The following LRMDA variants were observed in gnomAD, a reference collection of about 807,000 sequenced individuals.
The protein encoded by LRMDA is leucine rich melanocyte differentiation associated.
LRMDA carries 18 observed loss-of-function variants against 29.8 expected under a neutral mutation model. The observed-to-expected ratio is 0.60, with a 90% confidence interval of 0.42 to 0.90. The LOEUF (loss-of-function observed/expected upper bound fraction) is 0.90, where lower values mean the gene tolerates loss of function less well. Among genes scored for constraint, LRMDA ranks in the 40% least tolerant of loss-of-function variants. LRMDA has a pLI of 0.00. For missense variants in LRMDA, 273 were observed against 273.9 expected, an observed-to-expected ratio of 1.00 and a Z score of 0.02; for synonymous variants, 125 against 109.4, an observed-to-expected ratio of 1.14 and a Z score of -0.89.
At position 76,021,958 on chromosome 10, in the gene LRMDA, T is replaced by A. The variant is rs74652336; in HGVS notation, c.132-14050T>A. On this transcript the variant is annotated intron_variant, in intron 2 of 6. Coordinates refer to ENST00000611255, the MANE Select transcript of LRMDA (RefSeq NM_001305581.2). ...GAAAGGAAAAGTGTCCTCCTGACAC[T>A]GGAAAAAATGCATGATATTATGGAA... Among the ~76,000 whole-genome samples, 1,363 of 152,310 alleles carry A rather than the reference T, an allele frequency of 8.9e-3. 12 individuals carry two copies. Among genetic ancestry groups the A allele is most frequent in the African/African-American group, 0.03 (1,259 of 41,566 alleles).
intron 6 of LRMDA, among the ~76,000 whole-genome samples, chr10:76,433,086 T>C (rs1842208517): frequency 6.6e-6 from 1 of 152,164 alleles, no homozygotes; most frequent in South Asian, 2.1e-4. Context: ...TAATGTTGCA[T>C]GGGGCCTTGT....
At chr10:75,541,935 G>A (rs1399150077) in intron 2 of LRMDA, among the ~76,000 whole-genome samples, 1 of 152,184 alleles carries the variant, frequency 6.6e-6, no homozygotes, top group Non-Finnish European at 1.5e-5. Flanking sequence ...ATTAATCAGT[G>A]TGTGGAAGAA....
chr10:76,080,518 A>G (rs998118638), intron 5 of LRMDA, among the ~76,000 whole-genome samples: 2 of 152,200 alleles, frequency 1.3e-5, no homozygotes, highest in Non-Finnish European at 2.9e-5. Context: ...TATTCTGAAA[A>G]TATGTGTATG....
rs150456059 is a variant in LRMDA, at chr10:75,818,690, G to A, written c.132-217318G>A. 5.9e-3 allele frequency among the ~76,000 whole-genome samples: 891 copies of A among 152,270 alleles called. 12 individuals carry two copies. Among genetic ancestry groups the A allele is most frequent in the African/African-American group, 0.02 (834 of 41,550 alleles). The stretch of plus-strand genomic sequence containing the variant: ...ACTGGTCCAGTGTTCTTTCCAAACC[G>A]GATCACTGGCAGAGCACAGACCTGT... On this transcript the variant is annotated intron_variant, in intron 2 of 6. Transcript: ENST00000611255.
intron 2 of LRMDA, among the ~76,000 whole-genome samples, chr10:75,694,113 C>T (rs966875918): frequency 6.6e-6 from 1 of 152,102 alleles, no homozygotes; most frequent in Non-Finnish European, 1.5e-5. Flanking sequence ...GGCAGGCATG[C>T]CATGGGTATG....
At chr10:75,916,425 G>A (rs1293032808) in intron 2 of LRMDA, among the ~76,000 whole-genome samples, 1 of 152,076 alleles carries the variant, frequency 6.6e-6, no homozygotes, top group African/African-American at 2.4e-5. Context: ...CCCCTACCTG[G>A]ATGGGATGGC....
chr10:75,451,901 GGT>G, intron 2 of LRMDA, among the ~76,000 whole-genome samples: 1 of 148,504 alleles, frequency 6.7e-6, no homozygotes, highest in Non-Finnish European at 1.5e-5. Flanking sequence ...GCATTTTTTT[GGT>G]GTGTGTGTAT....
At chr10:75,987,714 T>A (rs1451864776) in intron 2 of LRMDA, among the ~76,000 whole-genome samples, 1 of 152,144 alleles carries the variant, frequency 6.6e-6, no homozygotes, top group Non-Finnish European at 1.5e-5. Flanking sequence ...CTCTGTGGGT[T>A]GTTGGTAAGA....
At chr10:75,805,839 T>G (rs1334287881) in intron 2 of LRMDA, among the ~76,000 whole-genome samples, 1 of 152,216 alleles carries the variant, frequency 6.6e-6, no homozygotes, top group East Asian at 1.9e-4. Flanking sequence ...TTGAGACTAC[T>G]CAGTGTTGTA....
At chr10:76,458,238 G>T (rs1350064594) in intron 6 of LRMDA, among the ~76,000 whole-genome samples, 1 of 152,046 alleles carries the variant, frequency 6.6e-6, no homozygotes, top group Non-Finnish European at 1.5e-5. Context: ...GACAAGGGTG[G>T]GTTGTTGAAT....
At chr10:75,822,981 C>G (rs1442086230) in intron 2 of LRMDA, among the ~76,000 whole-genome samples, 1 of 152,106 alleles carries the variant, frequency 6.6e-6, no homozygotes, top group Non-Finnish European at 1.5e-5. Flanking sequence ...TAAAAATGAG[C>G]TCAAGATGGA....
At chr10:75,837,805 G>A (rs561572990) in intron 2 of LRMDA, among the ~76,000 whole-genome samples, 1 of 152,078 alleles carries the variant, frequency 6.6e-6, no homozygotes, top group African/African-American at 2.4e-5. Flanking sequence ...CATGGTTCTC[G>A]GAATCTGTGG....
At chr10:76,152,104 C>T (rs1850456336) in intron 5 of LRMDA, among the ~76,000 whole-genome samples, 1 of 152,180 alleles carries the variant, frequency 6.6e-6, no homozygotes, top group South Asian at 2.1e-4. Flanking sequence ...GTGCAACTGT[C>T]ACCACTATTC....
At chr10:75,612,957 C>T (rs1048872803) in intron 2 of LRMDA, among the ~76,000 whole-genome samples, 5 of 152,198 alleles carry the variant, frequency 3.3e-5, no homozygotes, top group East Asian at 3.9e-4. Flanking sequence ...CTATTGCTTT[C>T]GTTGGTTTGC....
At chr10:75,647,778 C>T (rs1310455142) in intron 2 of LRMDA, among the ~76,000 whole-genome samples, 1 of 152,156 alleles carries the variant, frequency 6.6e-6, no homozygotes, top group East Asian at 1.9e-4. Flanking sequence ...CTCTTGGTGA[C>T]TGGGAATTGG....
intron 2 of LRMDA, among the ~76,000 whole-genome samples, chr10:75,966,736 G>C (rs944910255): frequency 1.3e-5 from 2 of 152,224 alleles, no homozygotes; most frequent in Non-Finnish European, 2.9e-5. Flanking sequence ...AGAAGTTAGA[G>C]ATTCTTGAGT....
intron 6 of LRMDA, among the ~76,000 whole-genome samples, chr10:76,552,949 G>A (rs543834980): frequency 1.1e-3 from 163 of 152,268 alleles, no homozygotes; most frequent in Non-Finnish European, 2.0e-3. Context: ...GCAGCCCCAA[G>A]GTTATAACTT....
intron 6 of LRMDA, among the ~76,000 whole-genome samples, chr10:76,465,885 G>A (rs1842560179): frequency 6.6e-6 from 1 of 152,078 alleles, no homozygotes; most frequent in African/African-American, 2.4e-5. Flanking sequence ...CTCTGTGCCT[G>A]TCTGTGCCCC....
chr10:75,875,620 C>T (rs191637258), intron 2 of LRMDA, among the ~76,000 whole-genome samples: 5 of 152,190 alleles, frequency 3.3e-5, no homozygotes, highest in East Asian at 1.9e-4. Context: ...TTAGTAGAGA[C>T]GGGGTTTCAC....
Sources: allele counts gnomAD v4.1 joint callset (sites outside exome capture counted in the v4.1 genomes callset), GRCh38; gene constraint gnomAD v4.1.1; transcripts MANE v1.5; gene names NCBI Gene and HGNC (gene_info 2026-07-23, HGNC 2026-07-21).